RCL1: variants seen among roughly 807,000 people sequenced by gnomAD.
The protein encoded by RCL1 is RNA 3'-terminal phosphate cyclase-like protein.
RCL1 carries 24 observed loss-of-function variants against 42.4 expected under a neutral mutation model. That is an observed-to-expected ratio of 0.57 (90% CI 0.41 to 0.80). The LOEUF is 0.80. Among genes scored for constraint, RCL1 ranks in the 30% least tolerant of loss-of-function variants. The probability of loss-of-function intolerance (pLI) is 0.00; values close to 1 mark genes in which losing one functional copy is unlikely to be tolerated. For missense variants in RCL1, 578 were observed against 467.9 expected (o/e 1.24, Z -2.17); for synonymous variants, 228 against 177.3 (o/e 1.29, Z -2.27).
chr9:4,827,020 A>G lies in RCL1; in HGVS notation c.371A>G (p.Gln124Arg), dbSNP rs766746201. The change falls in exon 3 of 9, where the codon CAG becomes CGG. Residue 124 changes from glutamine to arginine, a missense_variant. Coordinates refer to ENST00000381750, the MANE Select transcript of RCL1 (RefSeq NM_005772.5). ...KIVLRGVTND[Q>R]VDPSVDVLKA... Reference sequence around the variant, plus strand: ...GTTCTACGAGGAGTGACCAATGATCAGGTTGACCCTTCAGTGAGTATTGAG... The same window carrying G: ...GTTCTACGAGGAGTGACCAATGATCGGGTTGACCCTTCAGTGAGTATTGAG... 42 of 1,614,100 alleles carry G rather than the reference A, an allele frequency of 2.6e-5. No homozygotes were observed. In the Admixed American group the frequency reaches 6.7e-4, roughly 26 times the overall value.
At chr9:4,834,991 C>G (rs1817074463) in intron 5 of RCL1, among the ~76,000 whole-genome samples, 1 of 152,102 alleles carries the variant, frequency 6.6e-6, no homozygotes, top group Non-Finnish European at 1.5e-5. Context: ...TAGAAAGGAG[C>G]CTTGAAGAAC....
intron 8 of RCL1, 58 bp downstream of exon 8, chr9:4,849,608 A>G (rs2129707274): frequency 2.3e-6 from 3 of 1,293,782 alleles, no homozygotes; most frequent in East Asian, 4.7e-5. Flanking sequence ...TCATTGCCCA[A>G]AATGACAAAG....
At chr9:4,839,569 A>G in intron 5 of RCL1, 4 of 693,414 alleles carry the variant, frequency 5.8e-6, no homozygotes, top group Non-Finnish European at 7.1e-6. Flanking sequence ...TCCAAAGGGT[A>G]TGAGATTCAG....
chr9:4,795,891 T>G (rs1163922485), intron 1 of RCL1, among the ~76,000 whole-genome samples: 2 of 152,158 alleles, frequency 1.3e-5, no homozygotes, highest in Admixed American at 6.5e-5. Flanking sequence ...GAGCTTGTCA[T>G]GTAAGTAGGA....
At chr9:4,803,065 A>C (rs959760) in intron 1 of RCL1, among the ~76,000 whole-genome samples, 8,630 of 149,238 alleles carry the variant, frequency 0.058, 447 homozygotes, top group African/African-American at 0.13. Context: ...AGGCTGGTCT[A>C]GGAACTCCTG....
At chr9:4,847,535 A>G (rs776732594) in intron 7 of RCL1, among the ~76,000 whole-genome samples, 15 of 152,036 alleles carry the variant, frequency 9.9e-5, no homozygotes, top group Admixed American at 3.3e-4. Context: ...TGCTCTAATC[A>G]CTGCCTGCCT....
intron 8 of RCL1, among the ~76,000 whole-genome samples, chr9:4,853,378 G>C (rs1817821036): frequency 6.7e-6 from 1 of 149,982 alleles, no homozygotes; most frequent in African/African-American, 2.5e-5. Context: ...GCTGAGTGCA[G>C]TGGCGCGATC....
At chr9:4,810,025 C>T (rs548538714) in intron 1 of RCL1, among the ~76,000 whole-genome samples, 23 of 152,258 alleles carry the variant, frequency 1.5e-4, no homozygotes, top group African/African-American at 5.3e-4. Flanking sequence ...CCATGTTGGC[C>T]AGGCTGGTCT....
intron 5 of RCL1, chr9:4,839,766 G>A (rs962632693): frequency 1.0e-6 from 1 of 967,872 alleles, no homozygotes; most frequent in Non-Finnish European, 1.2e-6. Flanking sequence ...GGAGAGTTGG[G>A]AGGGATTACA....
intron 7 of RCL1, among the ~76,000 whole-genome samples, chr9:4,846,197 GA>G (rs1459313300): frequency 6.6e-6 from 1 of 152,196 alleles, no homozygotes; most frequent in Non-Finnish European, 1.5e-5. Flanking sequence ...ACATGAGAAT[GA>G]GCTGTTTCAG....
At chr9:4,830,113 T>A (rs778375492) in intron 3 of RCL1, among the ~76,000 whole-genome samples, 8 of 152,234 alleles carry the variant, frequency 5.3e-5, no homozygotes, top group Non-Finnish European at 1.0e-4. Flanking sequence ...AAGTCAGGGA[T>A]AATCCACAGA....
chr9:4,813,849 T>G (rs868809373), intron 1 of RCL1, among the ~76,000 whole-genome samples: 38 of 152,340 alleles, frequency 2.5e-4, no homozygotes, highest in Middle Eastern at 3.4e-3. Flanking sequence ...CATGGAATAC[T>G]GTGCAGCCAT....
intron 5 of RCL1, among the ~76,000 whole-genome samples, chr9:4,836,330 A>G (rs1348767415): frequency 3.3e-5 from 5 of 152,054 alleles, no homozygotes; most frequent in Non-Finnish European, 7.4e-5. Context: ...GTGCTGGAGC[A>G]TTGGGAAGTA....
chr9:4,852,036 C>A (rs368427232), intron 8 of RCL1, among the ~76,000 whole-genome samples: 1 of 152,170 alleles, frequency 6.6e-6, no homozygotes, highest in South Asian at 2.1e-4. Context: ...CACCCGCCAC[C>A]GTGCCTGGCT....
chr9:4,812,059 T>G (rs1242202841), intron 1 of RCL1, among the ~76,000 whole-genome samples: 2 of 152,246 alleles, frequency 1.3e-5, no homozygotes, highest in African/African-American at 4.8e-5. Context: ...TATTTTTGTG[T>G]GTGTACTGGT....
chr9:4,857,111 T>C (rs1189328282), intron 8 of RCL1, among the ~76,000 whole-genome samples: 6 of 152,246 alleles, frequency 3.9e-5, no homozygotes, highest in South Asian at 2.1e-4. Flanking sequence ...AATTCACATA[T>C]GACACAATTT....
Position 4,826,868 on chromosome 9 carries a change from A to T in RCL1, c.219A>T (p.Leu73Phe). 6.2e-7 allele frequency: 1 copy of T among 1,612,752 alleles called. No individual in the cohort carries two copies. Among genetic ancestry groups the T allele is most frequent in the Middle Eastern group, 1.7e-4 (1 of 6,050 alleles). Residue 73 changes from leucine (L) to phenylalanine (F), a missense_variant, in exon 3 of 9, where the codon TTA becomes TTT. Coordinates refer to ENST00000381750, the MANE Select transcript of RCL1 (RefSeq NM_005772.5). ...TTCTTCTGGTTTAAGGAACAACCTT[A>T]TATTATCAGCCTGGCCTCCTGTATG... ...RIEINQTGTT[L>F]YYQPGLLYGG...
At chr9:4,836,927 T>C (rs929357786) in intron 5 of RCL1, among the ~76,000 whole-genome samples, 10 of 152,194 alleles carry the variant, frequency 6.6e-5, no homozygotes, top group African/African-American at 2.2e-4. Context: ...GGTTATGGTC[T>C]GTTCTCTGCA....
chr9:4,818,769 G>A (rs1169274878), intron 1 of RCL1, among the ~76,000 whole-genome samples: 3 of 151,848 alleles, frequency 2.0e-5, no homozygotes, highest in Admixed American at 6.6e-5. Flanking sequence ...CTACTCGGGA[G>A]GGTGAGGCAG....
Sources: gnomAD v4.1 joint callset for allele counts (sites outside exome capture counted in the v4.1 genomes callset) on GRCh38, gnomAD v4.1.1 for gene constraint, MANE v1.5 for transcripts, NCBI Gene and HGNC (gene_info 2026-07-23, HGNC 2026-07-21) for gene names.